Variants in RBFOX1 observed in about 807,000 individuals in gnomAD.
RBFOX1 encodes RNA binding protein fox-1 homolog 1.
RBFOX1 carries 8 observed loss-of-function variants against 57.7 expected under a neutral mutation model. That is an observed-to-expected ratio of 0.14 (90% confidence interval 0.08 to 0.25). The LOEUF (loss-of-function observed/expected upper bound fraction) is 0.25, where lower values mean the gene tolerates loss of function less well. Ranked by LOEUF, RBFOX1 falls within the 10% of genes least tolerant of loss-of-function variation. RBFOX1 has a pLI of 1.00. For missense variants in RBFOX1, 611 were observed against 548.5 expected (o/e 1.11, Z -1.14); for synonymous variants, 326 against 222.4 (o/e 1.47, Z -4.15).
intron 4 of RBFOX1, among the ~76,000 whole-genome samples, chr16:7,244,838 C>G: frequency 6.6e-6 from 1 of 152,282 alleles, no homozygotes; most frequent in East Asian, 1.9e-4. Flanking sequence ...GTTCCCACTT[C>G]TGCTCATGAT....
intron 2 of RBFOX1, among the ~76,000 whole-genome samples, chr16:6,640,173 C>T (rs1168192435): frequency 6.6e-6 from 1 of 152,144 alleles, no homozygotes; most frequent in Non-Finnish European, 1.5e-5. Context: ...AATTCAAATG[C>T]AGCTTATTGA....
At chr16:6,736,527 TA>T (rs2070359289) in intron 3 of RBFOX1, among the ~76,000 whole-genome samples, 1 of 152,254 alleles carries the variant, frequency 6.6e-6, no homozygotes, top group African/African-American at 2.4e-5. Context: ...ATCATATATA[TA>T]CATACCTCAA....
intron 3 of RBFOX1, among the ~76,000 whole-genome samples, chr16:5,730,581 C>T: frequency 6.6e-6 from 1 of 152,058 alleles, no homozygotes; most frequent in Admixed American, 6.5e-5. Flanking sequence ...GTCATCATTA[C>T]CATCATCATC....
chr16:7,556,764 G>A (rs533709370), intron 5 of RBFOX1, among the ~76,000 whole-genome samples: 1 of 152,128 alleles, frequency 6.6e-6, no homozygotes, highest in Non-Finnish European at 1.5e-5. Flanking sequence ...CTTCATAGAG[G>A]TATCATGGGG....
intron 4 of RBFOX1, among the ~76,000 whole-genome samples, chr16:5,972,990 G>A (rs2059993456): frequency 6.6e-6 from 1 of 152,174 alleles, no homozygotes; most frequent in African/African-American, 2.4e-5. Context: ...GAAAGTGTGA[G>A]AATGGATGAA....
At chr16:7,554,296 A>G (rs1396666511) in intron 5 of RBFOX1, among the ~76,000 whole-genome samples, 1 of 152,210 alleles carries the variant, frequency 6.6e-6, no homozygotes. Flanking sequence ...ACTATCTTCC[A>G]AGGACTGTGC....
chr16:7,111,155 T>G (rs907817170), intron 4 of RBFOX1, among the ~76,000 whole-genome samples: 1 of 152,208 alleles, frequency 6.6e-6, no homozygotes, highest in African/African-American at 2.4e-5. Context: ...AATTGATGAT[T>G]TCAAGAAGCA....
intron 3 of RBFOX1, among the ~76,000 whole-genome samples, chr16:6,834,177 G>A (rs1446291445): frequency 1.3e-5 from 2 of 152,024 alleles, no homozygotes; most frequent in Non-Finnish European, 2.9e-5. Flanking sequence ...CAGTTCAAGT[G>A]ATTGTCCTGC....
chr16:5,243,475 C>T (rs1394839250), intron 1 of RBFOX1, among the ~76,000 whole-genome samples: 1 of 152,128 alleles, frequency 6.6e-6, no homozygotes, highest in African/African-American at 2.4e-5. Context: ...ACCGTCACAA[C>T]ACTTGGGGTG....
At chr16:6,314,980 T>C (rs1346966543) in intron 1 of RBFOX1, among the ~76,000 whole-genome samples, 2 of 152,216 alleles carry the variant, frequency 1.3e-5, no homozygotes, top group African/African-American at 4.8e-5. Flanking sequence ...CTGTCCCCGG[T>C]GAAGATCTGT....
intron 3 of RBFOX1, among the ~76,000 whole-genome samples, chr16:6,821,020 T>C (rs906461593): frequency 5.3e-5 from 8 of 152,236 alleles, no homozygotes; most frequent in Non-Finnish European, 1.0e-4. Context: ...TTATTATCAC[T>C]TAATTCTTAA....
chr16:7,579,841 A>G lies in RBFOX1; in HGVS notation c.335A>G (p.Asn112Ser), dbSNP rs2093618635. Reference sequence around the variant, plus strand: ...ACACAACCTTCTGAAAACACGGAAAACAAGTCTCAGCCCAAGCGGCTGCAT... The same window carrying G: ...ACACAACCTTCTGAAAACACGGAAAGCAAGTCTCAGCCCAAGCGGCTGCAT... Reference protein sequence around the residue: ...PQTQPSENTENKSQPKRLHVS... With the variant: ...PQTQPSENTESKSQPKRLHVS... Residue 112 changes from asparagine to serine, a missense_variant, in exon 6 of 16, where the codon AAC becomes AGC. By Grantham distance (46) the Asn-to-Ser change is conservative (BLOSUM62 1). Transcript: ENST00000550418. The G allele has an allele frequency of 6.2e-7, 1 of 1,614,018 alleles. No individual in the cohort carries two copies. The highest frequency in any genetic ancestry group is 8.5e-7 in the Non-Finnish European group (1 of 1,179,956).
At chr16:6,444,342 G>A (rs2094443755) in intron 2 of RBFOX1, among the ~76,000 whole-genome samples, 1 of 152,236 alleles carries the variant, frequency 6.6e-6, no homozygotes, top group Admixed American at 6.5e-5. Context: ...ACATGGTTTG[G>A]CTGTGACCCC....
At chr16:7,287,520 C>G (rs889784084) in intron 4 of RBFOX1, among the ~76,000 whole-genome samples, 1 of 152,202 alleles carries the variant, frequency 6.6e-6, no homozygotes, top group Non-Finnish European at 1.5e-5. Context: ...TGGTGAGGCT[C>G]TGACCTGGGG....
chr16:5,603,922 A>T (rs536622546), downstream of RBFOX1, among the ~76,000 whole-genome samples: 1 of 152,298 alleles, frequency 6.6e-6, no homozygotes, highest in East Asian at 1.9e-4. Flanking sequence ...TTGATATAGT[A>T]GAAACTATAC....
At chr16:5,531,082 G>A (rs1205669522) in intron 2 of RBFOX1, among the ~76,000 whole-genome samples, 2 of 151,966 alleles carry the variant, frequency 1.3e-5, no homozygotes, top group Non-Finnish European at 2.9e-5. Context: ...CCGAGATTGC[G>A]CCACTGCACT....
In RBFOX1 at chr16:6,922,259, C is replaced by G. The variant is rs186075930; in HGVS notation, c.-15-129798C>G. Among the ~76,000 whole-genome samples, 358 of 152,172 alleles carry G rather than the reference C, an allele frequency of 2.4e-3. 1 individual carries two copies. The highest frequency in any genetic ancestry group is 6.8e-3 in the Middle Eastern group (2 of 294). ...TCGATCTCAGAAAGACCTGAGCATC[C>G]TACATTGATATAAACTGTAACTTAT... is the stretch of plus-strand genomic sequence containing the variant. On this transcript the variant is annotated intron_variant, in intron 3 of 15. Transcript: ENST00000550418.
At chr16:6,210,714 G>C (rs985481563) in intron 1 of RBFOX1, among the ~76,000 whole-genome samples, 43 of 151,752 alleles carry the variant, frequency 2.8e-4, no homozygotes, top group Admixed American at 6.6e-4. Context: ...GACACAGTGA[G>C]ACTCCCTCTC....
intron 5 of RBFOX1, among the ~76,000 whole-genome samples, chr16:7,577,048 G>C (rs1299489666): frequency 6.6e-6 from 1 of 152,174 alleles, no homozygotes; most frequent in African/African-American, 2.4e-5. Context: ...ATTCTGCTCT[G>C]TTTGGGTTTC....
Sources: gnomAD v4.1 joint callset for allele counts (sites outside exome capture counted in the v4.1 genomes callset) on GRCh38, gnomAD v4.1.1 for gene constraint, MANE v1.5 for transcripts, NCBI Gene and HGNC (gene_info 2026-07-23, HGNC 2026-07-21) for gene names.